RBFOX1: variants seen among roughly 807,000 people sequenced by gnomAD.
RBFOX1 encodes RNA binding fox-1 homolog 1.
Under a neutral mutation model 57.7 loss-of-function variants are expected in RBFOX1, and 8 were observed. That is an observed-to-expected ratio of 0.14 (90% CI 0.08 to 0.25). The LOEUF (loss-of-function observed/expected upper bound fraction) is 0.25. Among genes scored for constraint, RBFOX1 ranks in the 10% least tolerant of loss-of-function variants. The pLI, the probability that RBFOX1 is intolerant of heterozygous loss-of-function variation, is 1.00. For missense variants in RBFOX1, 611 were observed against 548.5 expected, an observed-to-expected ratio of 1.11 and a Z score of -1.14; for synonymous variants, 326 against 222.4, an observed-to-expected ratio of 1.47 and a Z score of -4.15.
intron 4 of RBFOX1, among the ~76,000 whole-genome samples, chr16:5,889,621 T>C (rs2057996340): frequency 6.6e-6 from 1 of 152,212 alleles, no homozygotes; most frequent in South Asian, 2.1e-4. Flanking sequence ...GCACTGAGGA[T>C]GCAGGACAAG....
At chr16:7,560,140 C>T (rs1003706562) in intron 5 of RBFOX1, among the ~76,000 whole-genome samples, 9 of 152,186 alleles carry the variant, frequency 5.9e-5, no homozygotes, top group African/African-American at 1.9e-4. Context: ...GGAGAAAGAC[C>T]AGTGCGATTC....
At chr16:7,060,342 G>C (rs1750161730) in intron 4 of RBFOX1, among the ~76,000 whole-genome samples, 1 of 152,158 alleles carries the variant, frequency 6.6e-6, no homozygotes, top group South Asian at 2.1e-4. Flanking sequence ...ATGTGGGAAG[G>C]TTAATGAGGG....
rs118002225 is a variant in RBFOX1 at position 5,637,115 on chromosome 16, C to A, written c.318+38154C>A. On this transcript the variant is annotated intron_variant, in intron 3 of 19. Transcript: ENST00000641259. ...CATTAGCAGTTTCTGAGCTTGTCTA[C>A]AACTAATTTCACAGTGAATCTTATT... Among the ~76,000 whole-genome samples, 799 of 152,326 alleles carry A rather than the reference C, an allele frequency of 5.2e-3. 7 individuals are homozygous for A. Among genetic ancestry groups the A allele is most frequent in the Non-Finnish European group, 7.4e-3 (502 of 68,038 alleles).
In RBFOX1 at chr16:6,103,316, A is replaced by C. The variant is rs375550587; in HGVS notation, c.-127+83324A>C. Reference sequence around the variant, plus strand: ...TACTCATATGACAAAAGATGGGAGAAGTGATAATGGTATTCCCTTCATAAG... The same window carrying C: ...TACTCATATGACAAAAGATGGGAGACGTGATAATGGTATTCCCTTCATAAG... On this transcript the variant is annotated intron_variant, in intron 1 of 15. Coordinates refer to ENST00000550418, the MANE Select transcript of RBFOX1 (RefSeq NM_018723.4). Among the ~76,000 whole-genome samples the C allele has an allele frequency of 3.9e-5, 6 of 152,314 alleles. 2 individuals carry two copies. The highest frequency in any genetic ancestry group is 1.3e-4 in the Admixed American group (2 of 15,300).
At chr16:5,262,410 CA>C (rs1567249866) in intron 1 of RBFOX1, among the ~76,000 whole-genome samples, 1 of 152,150 alleles carries the variant, frequency 6.6e-6, no homozygotes, top group African/African-American at 2.4e-5. Context: ...CTGAACAAAA[CA>C]AAAAGGTAGA....
At chr16:7,630,784 T>G in intron 11 of RBFOX1, 101 bp downstream of exon 11, 2 of 1,531,324 alleles carry the variant, frequency 1.3e-6, no homozygotes, top group Non-Finnish European at 1.8e-6. Flanking sequence ...TGCCCCACCC[T>G]CTCTTGTGGC....
intron 3 of RBFOX1, among the ~76,000 whole-genome samples, chr16:6,958,507 T>C (rs2082317649): frequency 6.6e-6 from 1 of 152,160 alleles, no homozygotes; most frequent in Non-Finnish European, 1.5e-5. Flanking sequence ...AATGGTCTGT[T>C]GACTTATTCA....
chr16:6,138,255 C>T (rs995796704), intron 1 of RBFOX1, among the ~76,000 whole-genome samples: 1 of 152,346 alleles, frequency 6.6e-6, no homozygotes, highest in African/African-American at 2.4e-5. Flanking sequence ...TGTTGCCTTT[C>T]TGGCAACTCT....
chr16:5,407,036 A>G (rs949056845), intron 1 of RBFOX1, among the ~76,000 whole-genome samples: 2 of 152,222 alleles, frequency 1.3e-5, no homozygotes, highest in Non-Finnish European at 2.9e-5. Flanking sequence ...TATAAAAGGC[A>G]GAGGTTTAGT....
chr16:5,843,049 G>A (rs1050676357), intron 3 of RBFOX1, among the ~76,000 whole-genome samples: 27 of 151,916 alleles, frequency 1.8e-4, no homozygotes, highest in African/African-American at 2.4e-4. Context: ...GGCTGGTCTC[G>A]AACTCCTGAC....
intron 3 of RBFOX1, among the ~76,000 whole-genome samples, chr16:5,635,559 T>G (rs1347960053): frequency 6.6e-6 from 1 of 152,250 alleles, no homozygotes; most frequent in African/African-American, 2.4e-5. Flanking sequence ...CATACAGATT[T>G]GCTTTTCATG....
intron 3 of RBFOX1, among the ~76,000 whole-genome samples, chr16:6,775,169 C>CAAA (rs74584596): frequency 8.6e-4 from 72 of 84,078 alleles, no homozygotes; most frequent in African/African-American, 2.1e-3. Context: ...ACTAAAAGTA[C>CAAA]AAAAAAAAAA....
At chr16:5,354,436 C>G (rs1341835848) in intron 1 of RBFOX1, among the ~76,000 whole-genome samples, 1 of 152,204 alleles carries the variant, frequency 6.6e-6, no homozygotes, top group Admixed American at 6.5e-5. Flanking sequence ...GTCACTTGAT[C>G]TTGCCAAGCC....
chr16:6,979,419 A>T (rs2088040663), intron 3 of RBFOX1, among the ~76,000 whole-genome samples: 1 of 152,202 alleles, frequency 6.6e-6, no homozygotes, highest in Non-Finnish European at 1.5e-5. Flanking sequence ...ATTAAAGTTG[A>T]AGAAAGTCCT....
chr16:6,043,775 G>C (rs2095467684), intron 1 of RBFOX1, among the ~76,000 whole-genome samples: 1 of 152,146 alleles, frequency 6.6e-6, no homozygotes, highest in South Asian at 2.1e-4. Context: ...TGTCAGCTGA[G>C]TTCTGCTTAT....
chr16:5,451,104 C>T (rs909844538), intron 1 of RBFOX1, among the ~76,000 whole-genome samples: 1 of 152,128 alleles, frequency 6.6e-6, no homozygotes, highest in African/African-American at 2.4e-5. Context: ...GGATTGAGTC[C>T]CTGAACCACA....
At chr16:5,866,194 C>T (rs2057339848) in intron 3 of RBFOX1, among the ~76,000 whole-genome samples, 1 of 152,176 alleles carries the variant, frequency 6.6e-6, no homozygotes, top group Non-Finnish European at 1.5e-5. Context: ...GTCTCGAACT[C>T]CTGACCTCAC....
intron 4 of RBFOX1, among the ~76,000 whole-genome samples, chr16:7,342,770 T>A (rs1447718175): frequency 4.6e-5 from 7 of 152,038 alleles, no homozygotes; most frequent in African/African-American, 1.7e-4. Flanking sequence ...CCATCCTCTT[T>A]CCACATGGCT....
At chr16:7,592,562 G>C (rs1485897674) in intron 7 of RBFOX1, among the ~76,000 whole-genome samples, 2 of 152,174 alleles carry the variant, frequency 1.3e-5, no homozygotes, top group South Asian at 2.1e-4. Flanking sequence ...AGCTATACCA[G>C]TGGGGCTATG....
Sources: gnomAD v4.1 joint callset for allele counts (sites outside exome capture counted in the v4.1 genomes callset) on GRCh38, gnomAD v4.1.1 for gene constraint, MANE v1.5 for transcripts, NCBI Gene and HGNC (gene_info 2026-07-23, HGNC 2026-07-21) for gene names.